The following GCLM variants were observed in gnomAD, a reference collection of about 807,000 sequenced individuals.
The protein encoded by GCLM is glutamate--cysteine ligase regulatory subunit.
Under a neutral mutation model 36.0 loss-of-function variants are expected in GCLM, and 15 were observed. The ratio of observed to expected loss-of-function variants is 0.42; its 90% CI spans 0.28 to 0.64. The LOEUF is 0.64. GCLM is among the 30% of genes least tolerant of loss of function. The pLI is 0.25. For missense variants in GCLM, 242 were observed against 325.5 expected, an observed-to-expected ratio of 0.74 and a Z score of 1.97; for synonymous variants, 129 against 122.8, an observed-to-expected ratio of 1.05 and a Z score of -0.34.
intron 1 of GCLM, among the ~76,000 whole-genome samples, chr1:93,907,008 A>C (rs192990945): frequency 6.2e-4 from 94 of 152,320 alleles, no homozygotes; most frequent in African/African-American, 2.2e-3. Flanking sequence ...ACTAGAAGAG[A>C]CCTTGTAAGA....
Position 93,894,574 on chromosome 1 carries a change from A to C in GCLM, c.655+40T>G, listed in dbSNP as rs773668984. ...AACAAATACCTTTTTGTAAGACAAA[A>C]GCTTATGATCAATCTCTATAATGAA... On this transcript the variant is annotated intron_variant, in intron 6 of 6. Coordinates refer to ENST00000370238, the MANE Select transcript of GCLM (RefSeq NM_002061.4). The C allele has an allele frequency of 2.0e-5, 21 of 1,046,670 alleles. No individual in the cohort carries two copies. In the East Asian group the frequency reaches 3.1e-4, roughly 15 times the overall value. The allele number at this position is 1,046,670 out of a possible 1,614,324, so 64.8% of individuals were successfully genotyped here. A position where few individuals can be genotyped will look rare whatever the true frequency, so the allele number is the denominator to read the frequency against.
intron 6 of GCLM, among the ~76,000 whole-genome samples, chr1:93,893,498 T>A (rs973037230): frequency 2.0e-5 from 3 of 152,224 alleles, no homozygotes; most frequent in African/African-American, 7.2e-5. Flanking sequence ...ATCAACCCAC[T>A]GATATTGTGT....
In GCLM at chr1:93,909,371, C is replaced by T; in HGVS notation, c.-208G>A. The T allele has an allele frequency of 7.5e-6, 7 of 927,328 alleles. No homozygotes were observed. Among genetic ancestry groups the T allele is most frequent in the South Asian group, 5.0e-5 (1 of 20,016 alleles). 57.4% of individuals were successfully genotyped at this position (927,328 alleles called of 1,614,324 possible). On this transcript the variant is annotated 5_prime_UTR_variant, in exon 1 of 7. Transcript: ENST00000370238. The stretch of plus-strand genomic sequence containing the variant: ...GGGCGGCGGCGGGAAAGGAAGGCAC[C>T]GGTGGCTGCGGCTCCGGCTCCGGCT...
chr1:93,897,839 C>T lies in GCLM; in HGVS notation c.337G>A (p.Ala113Thr), dbSNP rs1400035607. ...SSSTRSAVDM[A>T]CSVLGVAQLD... ...GATAAAAAATTCAGTTTTTGCTTACCCATGTCAACTGCACTTCTAGTTGAT... is the reference window on the plus strand; with the variant it reads ...GATAAAAAATTCAGTTTTTGCTTACTCATGTCAACTGCACTTCTAGTTGAT... The change falls in exon 4 of 7, where the codon GCC (alanine) becomes ACC (threonine). Residue 113 changes from alanine to threonine, a missense_variant and splice_region_variant. Physicochemically the swap from Ala to Thr is moderately conservative, Grantham distance 58 (BLOSUM62 0). Transcript: ENST00000370238. 1.3e-6 allele frequency: 2 copies of T among 1,533,292 alleles called. No homozygotes were observed. The highest frequency in any genetic ancestry group is 1.8e-6 in the Non-Finnish European group (2 of 1,137,122). The allele number at this position is 1,533,292 out of a possible 1,614,324, so 95.0% of individuals were successfully genotyped here.
chr1:93,900,319 G>C (rs191922307), intron 3 of GCLM, among the ~76,000 whole-genome samples: 138 of 152,058 alleles, frequency 9.1e-4, no homozygotes, highest in African/African-American at 3.1e-3. Context: ...TCTTTATATG[G>C]GGAGAATTTT....
chr1:93,897,836 T>C lies in GCLM; in HGVS notation c.337+3A>G. The C allele has an allele frequency of 6.5e-7, 1 of 1,527,004 alleles. No individual in the cohort carries two copies. Among genetic ancestry groups the C allele is most frequent in the Non-Finnish European group, 8.8e-7 (1 of 1,131,316 alleles). 94.6% of individuals were successfully genotyped at this position (1,527,004 alleles called of 1,614,324 possible). On this transcript the variant is annotated splice_donor_region_variant and intron_variant, in intron 4 of 6. Transcript: ENST00000370238. ...TAAGATAAAAAATTCAGTTTTTGCT[T>C]ACCCATGTCAACTGCACTTCTAGTT...
chr1:93,907,650 A>G (rs1657193236), intron 1 of GCLM, among the ~76,000 whole-genome samples: 1 of 152,250 alleles, frequency 6.6e-6, no homozygotes, highest in African/African-American at 2.4e-5. Flanking sequence ...ACTGGAAGAA[A>G]TTAAGAGTCT....
At chr1:93,900,912 A>G (rs1656924829) in intron 3 of GCLM, among the ~76,000 whole-genome samples, 1 of 152,136 alleles carries the variant, frequency 6.6e-6, no homozygotes, top group Admixed American at 6.5e-5. Context: ...GTACATCCCC[A>G]TTTTATAGAA....
In GCLM at chr1:93,886,336, T is replaced by G. The variant is rs1656301048; in HGVS notation, c.*2654A>C. The G allele has an allele frequency of 6.6e-6, 1 of 152,204 alleles. No homozygotes were observed. The highest frequency in any genetic ancestry group is 1.5e-5 in the Non-Finnish European group (1 of 68,012). 9.4% of individuals were successfully genotyped at this position (152,204 alleles called of 1,614,324 possible). On this transcript the variant is annotated 3_prime_UTR_variant, in exon 7 of 7. Transcript: ENST00000370238. ...CTATTGATAACTTAGCTTTCAGTTT[T>G]AAGTAATTATTTGGTAGTATTACCA...
chr1:93,899,960 A>C (rs1050836153), intron 3 of GCLM, among the ~76,000 whole-genome samples: 2 of 151,962 alleles, frequency 1.3e-5, no homozygotes, highest in African/African-American at 4.8e-5. Flanking sequence ...AAAAATCAAA[A>C]GAGGAAATGG....
At chr1:93,899,778 C>G (rs7517826) in intron 3 of GCLM, among the ~76,000 whole-genome samples, 1 of 151,776 alleles carries the variant, frequency 6.6e-6, no homozygotes. Flanking sequence ...CATTAATTGT[C>G]ATTTCTTTGG....
At chr1:93,891,551 G>A (rs1032999020) in intron 6 of GCLM, among the ~76,000 whole-genome samples, 1 of 152,034 alleles carries the variant, frequency 6.6e-6, no homozygotes, top group Non-Finnish European at 1.5e-5. Flanking sequence ...TTATTTTATT[G>A]TCTGTCTCCT....
chr1:93,897,730 T>C (rs1656783348), intron 4 of GCLM, 109 bp downstream of exon 4: 2 of 602,782 alleles, frequency 3.3e-6, no homozygotes, highest in Non-Finnish European at 5.8e-6. Context: ...AAGGTAAAAT[T>C]GGAATCAACT....
intron 1 of GCLM, among the ~76,000 whole-genome samples, chr1:93,907,905 A>C (rs1657203509): frequency 6.6e-6 from 1 of 152,208 alleles, no homozygotes; most frequent in Non-Finnish European, 1.5e-5. Flanking sequence ...TCTGTTACCA[A>C]CATCTCATAG....
chr1:93,909,370 C>T lies in GCLM; in HGVS notation c.-207G>A. ...TGGGCGGCGGCGGGAAAGGAAGGCA[C>T]CGGTGGCTGCGGCTCCGGCTCCGGC... On this transcript the variant is annotated 5_prime_UTR_variant, in exon 1 of 7. In the 5' UTR this introduces an upstream ATG that the reference lacks. Transcript: ENST00000370238. 7 of 944,562 alleles carry T rather than the reference C, an allele frequency of 7.4e-6. No homozygotes were observed. Among genetic ancestry groups the T allele is most frequent in the Non-Finnish European group, 8.9e-6 (7 of 784,780 alleles). The allele number at this position is 944,562 out of a possible 1,614,324, so 58.5% of individuals were successfully genotyped here. A position where few individuals can be genotyped will look rare whatever the true frequency, so the allele number is the denominator to read the frequency against.
In GCLM at chr1:93,909,126, G is replaced by GCCAGGAGCGCCT; in HGVS notation, c.26_37dup (p.Leu12_Ala13insGluAlaLeuLeu). The GCCAGGAGCGCCT allele has an allele frequency of 7.1e-7, 1 of 1,414,002 alleles. No individual in the cohort carries two copies. The highest frequency in any genetic ancestry group is 1.4e-5 in the South Asian group (1 of 69,586). The allele number at this position is 1,414,002 out of a possible 1,614,324, so 87.6% of individuals were successfully genotyped here. On this transcript the variant is annotated inframe_insertion, in exon 1 of 7. Transcript: ENST00000370238. ...CTGCAGGTGCAGGGTGCGGGCCCGC[G>GCCAGGAGCGCCT]CCAGGAGCGCCTTGGCCGCGCGGCT...
At chr1:93,907,814 TTGATGGGCACTGA>T (rs1312094508) in intron 1 of GCLM, among the ~76,000 whole-genome samples, 1 of 152,194 alleles carries the variant, frequency 6.6e-6, no homozygotes, top group Non-Finnish European at 1.5e-5. Context: ...TTCTCATCTC[TTGATGGGCACTGA>T]CCCCAACAAC....
At chr1:93,904,491 C>T (rs371631298) in intron 2 of GCLM, 32 bp downstream of exon 2, 21 of 1,388,570 alleles carry the variant, frequency 1.5e-5, no homozygotes, top group African/African-American at 2.8e-5. Context: ...CCTTTTTGAC[C>T]TGCATGATTT....
At position 93,901,644 on chromosome 1, in the gene GCLM, G is replaced by T; in HGVS notation, c.218C>A (p.Thr73Asn). The part of the protein sequence containing the change: ...VREFPDVLEC[T>N]VSHAVEKINP... ...TATCTTTTCTACTGCATGAGATACA[G>T]TGCATTCCAAGACATCTGGAAACTC... The change falls in exon 3 of 7, where the codon ACT (threonine) becomes AAT (asparagine). Residue 73 changes from threonine (T) to asparagine (N), a missense_variant. Thr to Asn is a moderately conservative substitution (Grantham distance 65, BLOSUM62 0). Coordinates refer to ENST00000370238, the MANE Select transcript of GCLM (RefSeq NM_002061.4). 6.4e-7 allele frequency: 1 copy of T among 1,571,382 alleles called. No homozygotes were observed. Among genetic ancestry groups the T allele is most frequent in the Non-Finnish European group, 8.7e-7 (1 of 1,143,950 alleles).
Sources: allele counts gnomAD v4.1 joint callset (sites outside exome capture counted in the v4.1 genomes callset), GRCh38; gene constraint gnomAD v4.1.1; transcripts MANE v1.5; gene names NCBI Gene and HGNC (gene_info 2026-07-23, HGNC 2026-07-21).